The following ADK variants were observed in gnomAD, a reference collection of about 807,000 sequenced individuals.
The protein encoded by ADK is N6,N6-dimethyladenosine kinase.
A neutral mutation model predicts 44.7 loss-of-function variants in ADK; 24 were observed. That is an observed-to-expected ratio of 0.54 (90% CI 0.39 to 0.76). ADK has a LOEUF of 0.76. Among genes scored for constraint, ADK ranks in the 30% least tolerant of loss-of-function variants. The probability of loss-of-function intolerance (pLI) is 0.00; values close to 1 mark genes in which losing one functional copy is unlikely to be tolerated. For missense variants in ADK, 321 were observed against 425.1 expected (o/e 0.76, Z 2.15); for synonymous variants, 128 against 142.6 (o/e 0.90, Z 0.73).
chr10:74,456,845 A>G (rs1845967841), intron 6 of ADK, among the ~76,000 whole-genome samples: 1 of 152,120 alleles, frequency 6.6e-6, no homozygotes, highest in Non-Finnish European at 1.5e-5. Context: ...TTAGAAGGAA[A>G]TTTATAGCAC....
intron 3 of ADK, among the ~76,000 whole-genome samples, chr10:74,281,037 C>T (rs1407318742): frequency 6.6e-6 from 1 of 152,134 alleles, no homozygotes; most frequent in African/African-American, 2.4e-5. Context: ...ATTCATAATG[C>T]TCCAAAATCT....
chr10:74,263,704 T>C (rs1846122257), intron 3 of ADK, among the ~76,000 whole-genome samples: 1 of 152,230 alleles, frequency 6.6e-6, no homozygotes, highest in African/African-American at 2.4e-5. Context: ...GTGCTTAAAA[T>C]ATATGTGTAT....
intron 6 of ADK, among the ~76,000 whole-genome samples, chr10:74,473,157 A>AAT (rs752416886): frequency 2.6e-4 from 38 of 147,500 alleles, no homozygotes; most frequent in South Asian, 6.6e-4. Flanking sequence ...GCCTAATATA[A>AAT]ATATATATAT....
At chr10:74,708,149 C>CA (rs1313178714) in intron 10 of ADK, among the ~76,000 whole-genome samples, 172 bp from the exon 11 acceptor site, 1 of 49,762 alleles carries the variant, frequency 2.0e-5, no homozygotes, top group Non-Finnish European at 3.7e-5. Flanking sequence ...GACTCCATCT[C>CA]GGGGAAAAAA....
At chr10:74,164,966 G>C (rs762584640) in intron 1 of ADK, among the ~76,000 whole-genome samples, 1 of 152,160 alleles carries the variant, frequency 6.6e-6, no homozygotes, top group East Asian at 1.9e-4. Context: ...GTTAAAGCAG[G>C]CTCTCTCAGC....
intron 6 of ADK, among the ~76,000 whole-genome samples, chr10:74,433,055 GC>G (rs1845054015): frequency 6.6e-6 from 1 of 152,046 alleles, no homozygotes; most frequent in African/African-American, 2.4e-5. Flanking sequence ...AATGCCTTTG[GC>G]TCTATGCATG....
chr10:74,621,978 G>A (rs752134197), intron 9 of ADK, among the ~76,000 whole-genome samples: 1 of 152,070 alleles, frequency 6.6e-6, no homozygotes, highest in Non-Finnish European at 1.5e-5. Context: ...AATTTTATCT[G>A]TTTTGTGTAC....
intron 7 of ADK, among the ~76,000 whole-genome samples, chr10:74,530,320 A>G (rs1321538560): frequency 6.6e-6 from 1 of 152,098 alleles, no homozygotes; most frequent in Admixed American, 6.5e-5. Context: ...ATTCTTTAAT[A>G]TTTCCCCCCT....
At chr10:74,596,328 ATATTG>A (rs1377411229) in intron 8 of ADK, among the ~76,000 whole-genome samples, 1 of 152,266 alleles carries the variant, frequency 6.6e-6, no homozygotes, top group Admixed American at 6.5e-5. Flanking sequence ...ATAAAATGGC[ATATTG>A]TATTAGTACC....
chr10:74,613,705 G>A (rs1326581230), intron 9 of ADK, among the ~76,000 whole-genome samples: 3 of 152,094 alleles, frequency 2.0e-5, no homozygotes, highest in Admixed American at 6.6e-5. Flanking sequence ...AGTGTGATTT[G>A]CAATTCTGGT....
At chr10:74,280,936 C>G (rs1234749885) in intron 3 of ADK, among the ~76,000 whole-genome samples, 1 of 152,100 alleles carries the variant, frequency 6.6e-6, no homozygotes, top group African/African-American at 2.4e-5. Flanking sequence ...GTGAGATACT[C>G]AGTTAATCAA....
Position 74,265,679 on chromosome 10 carries a change from A to G in ADK, c.194+41088A>G, listed in dbSNP as rs144194578. Among the ~76,000 whole-genome samples, 72 of 152,358 alleles carry G rather than the reference A, an allele frequency of 4.7e-4. 1 individual carries two copies. The East Asian group carries it at 0.014, about 29-fold the overall frequency. On this transcript the variant is annotated intron_variant, in intron 3 of 10. Transcript: ENST00000539909. ...AGTGGTGAATTGAGCCTCACTTAAA[A>G]TCTAATTTTCACTTTTAATGCCATT...
chr10:74,432,976 C>T (rs573108611), intron 6 of ADK, among the ~76,000 whole-genome samples: 2 of 152,198 alleles, frequency 1.3e-5, no homozygotes, highest in East Asian at 3.9e-4. Context: ...CTGAGATTTC[C>T]TTTCATGAAC....
chr10:74,316,489 T>C (rs558541463), intron 4 of ADK, among the ~76,000 whole-genome samples: 2 of 152,250 alleles, frequency 1.3e-5, no homozygotes, highest in Admixed American at 1.3e-4. Context: ...TGATAGTGAG[T>C]GAGTTCTCAC....
chr10:74,448,121 C>T (rs1425115801), intron 6 of ADK, among the ~76,000 whole-genome samples: 2 of 152,078 alleles, frequency 1.3e-5, no homozygotes, highest in East Asian at 1.9e-4. Flanking sequence ...TGCAGTGAGT[C>T]GAGATCACGC....
In ADK at chr10:74,303,588, G is replaced by GTTTTTTTTTTTTTTTTGTTTTT. The variant is rs1840142261; in HGVS notation, c.195-11063_195-11062insGTTTTTTTTTTTTTTTTTTTTT. Among the ~76,000 whole-genome samples, 3 of 68,576 alleles carry GTTTTTTTTTTTTTTTTGTTTTT rather than the reference G, an allele frequency of 4.4e-5. No individual in the cohort carries two copies. The East Asian group carries it at 1.4e-3, about 31-fold the overall frequency. The allele number at this position is 68,576 out of a possible 152,430, so 45.0% of individuals were successfully genotyped here. ...CACTTTTCATATTGGTTTTAATGTT[G>GTTTTTTTTTTTTTTTTGTTTTT]TTTTTTTTTTTTTTTTTTTTTTTTT... On this transcript the variant is annotated intron_variant, in intron 3 of 10. Coordinates refer to ENST00000539909, the MANE Select transcript of ADK (RefSeq NM_006721.4).
At chr10:74,602,539 C>T (rs1187546287) in intron 9 of ADK, among the ~76,000 whole-genome samples, 1 of 152,166 alleles carries the variant, frequency 6.6e-6, no homozygotes, top group Non-Finnish European at 1.5e-5. Flanking sequence ...CATTCTGTGA[C>T]TGTATTTCCT....
chr10:74,448,039 G>A (rs1404817520), intron 6 of ADK, among the ~76,000 whole-genome samples: 2 of 152,114 alleles, frequency 1.3e-5, no homozygotes, highest in Non-Finnish European at 2.9e-5. Flanking sequence ...CAGACGTGGT[G>A]ATGCATGCCT....
Position 74,702,606 on chromosome 10 carries a change from C to CT in ADK, c.965-5706dup, listed in dbSNP as rs547822040. Among the ~76,000 whole-genome samples, 1,010 of 117,570 alleles carry CT rather than the reference C, an allele frequency of 8.6e-3. 3 individuals carry two copies. Among genetic ancestry groups the CT allele is most frequent in the Admixed American group, 0.013 (137 of 10,744 alleles). 77.1% of individuals were successfully genotyped at this position (117,570 alleles called of 152,430 possible). On this transcript the variant is annotated intron_variant, in intron 10 of 10. Transcript: ENST00000539909. ...TCTCTGGTCTCTTTCTTTCTTTTTT[C>CT]TTTTTTTTTGAGATGGAGTTTTACT...
Sources: allele counts gnomAD v4.1 joint callset (sites outside exome capture counted in the v4.1 genomes callset), GRCh38; gene constraint gnomAD v4.1.1; transcripts MANE v1.5; gene names NCBI Gene and HGNC (gene_info 2026-07-23, HGNC 2026-07-21).